RUFY4: variants seen among roughly 807,000 people sequenced by gnomAD.
The protein encoded by RUFY4 is RUN and FYVE domain containing 4.
In RUFY4, 73 loss-of-function variants were observed where a neutral mutation model predicts 69.0. The observed-to-expected ratio is 1.06, with a 90% CI of 0.88 to 1.29. The LOEUF (loss-of-function observed/expected upper bound fraction) is 1.29, where lower values mean the gene tolerates loss of function less well. Among genes scored for constraint, RUFY4 ranks in the 50% most tolerant of loss-of-function variants. RUFY4 has a pLI of 0.00. For synonymous variants in RUFY4, 287 were observed against 271.8 expected (o/e 1.06, Z -0.55); for missense variants, 770 against 705.6 (o/e 1.09, Z -1.03).
intron 2 of RUFY4, among the ~76,000 whole-genome samples, chr2:218,051,132 C>T (rs1352174655): frequency 1.3e-5 from 2 of 152,128 alleles, no homozygotes; most frequent in African/African-American, 4.8e-5. Context: ...ACCTCAGCCT[C>T]CCAAAGTGCA....
At chr2:218,076,358 G>A (rs1689630070) in intron 7 of RUFY4, 69 bp from the exon 10 acceptor site, 1 of 1,523,260 alleles carries the variant, frequency 6.6e-7, no homozygotes, top group African/African-American at 1.4e-5. Context: ...ATGTTGTTCA[G>A]GTCAGCCCCA....
At chr2:218,060,648 G>C in intron 3 of RUFY4, 1 of 1,350,280 alleles carries the variant, frequency 7.4e-7, no homozygotes, top group Non-Finnish European at 1.1e-6. Context: ...GCAGGAAAAT[G>C]AGGACAACAG....
chr2:218,050,817 C>G (rs1288089097), intron 2 of RUFY4, among the ~76,000 whole-genome samples: 1 of 152,156 alleles, frequency 6.6e-6, no homozygotes, highest in Non-Finnish European at 1.5e-5. Context: ...ACAATTTAAC[C>G]TTTAGTGATT....
At chr2:218,049,223 G>T (rs1454198433) in intron 2 of RUFY4, among the ~76,000 whole-genome samples, 2 of 152,160 alleles carry the variant, frequency 1.3e-5, no homozygotes, top group Non-Finnish European at 2.9e-5. Flanking sequence ...ATTCTAGAAT[G>T]TTCCTCAAAT....
At chr2:218,081,818 C>T (rs1689765182) in intron 8 of RUFY4, among the ~76,000 whole-genome samples, 2 of 152,258 alleles carry the variant, frequency 1.3e-5, no homozygotes, top group South Asian at 4.1e-4. Context: ...ATGTCAGTGG[C>T]TGAGCTGCTG....
At chr2:218,037,453 G>C (rs1432027022) in intron 2 of RUFY4, among the ~76,000 whole-genome samples, 2 of 152,106 alleles carry the variant, frequency 1.3e-5, no homozygotes, top group African/African-American at 2.4e-5. Flanking sequence ...GATAATCAAA[G>C]TAAGACTAAT....
chr2:218,086,861 T>C (rs1278827739), intron 9 of RUFY4, among the ~76,000 whole-genome samples: 1 of 152,046 alleles, frequency 6.6e-6, no homozygotes, highest in Non-Finnish European at 1.5e-5. Context: ...GGAAGGTTTC[T>C]GGAGAGAAAG....
At position 218,084,147 on chromosome 2, in the gene RUFY4, T is replaced by C. The variant is rs527668140; in HGVS notation, c.1502+891T>C. On this transcript the variant is annotated intron_variant, in intron 9 of 10. Transcript: ENST00000344321. ...AGTAGAAAGAGAGTTCACATACATA[T>C]GTTATCCTCTCATACAGTTCAGGAA... 1.5e-4 allele frequency among the ~76,000 whole-genome samples: 23 copies of C among 152,296 alleles called. No individual in the cohort carries two copies. In the Middle Eastern group the frequency reaches 0.01, roughly 68 times the overall value.
exon 4 of RUFY4, chr2:218,072,800 G>C (rs1284925252): frequency 6.5e-7 from 1 of 1,533,852 alleles, no homozygotes; most frequent in East Asian, 2.4e-5. Flanking sequence ...TCTGGGGAAA[G>C]GCCGTGCCTT....
At chr2:218,040,065 A>G (rs1959040300) in intron 2 of RUFY4, among the ~76,000 whole-genome samples, 3 of 152,198 alleles carry the variant, frequency 2.0e-5, no homozygotes, top group Non-Finnish European at 2.9e-5. Flanking sequence ...GACAGTTGCA[A>G]GCTTTCACAG....
chr2:218,065,233 C>A (rs1689295999), upstream of RUFY4, among the ~76,000 whole-genome samples: 1 of 152,140 alleles, frequency 6.6e-6, no homozygotes, highest in South Asian at 2.1e-4. Flanking sequence ...CCACTGCAGG[C>A]AGGGCATCAG....
chr2:218,060,516 C>T, intron 3 of RUFY4: 1 of 1,300,382 alleles, frequency 7.7e-7, no homozygotes, highest in Non-Finnish European at 1.1e-6. Flanking sequence ...GAAGGATGCC[C>T]AGAATCTCAG....
At chr2:218,060,237 G>T in intron 3 of RUFY4, 4 of 1,119,192 alleles carry the variant, frequency 3.6e-6, no homozygotes, top group East Asian at 2.4e-5. Context: ...AGTGGGGGCT[G>T]CACTGACACT....
upstream of RUFY4, among the ~76,000 whole-genome samples, chr2:218,065,942 C>T (rs368367753): frequency 3.4e-3 from 519 of 152,012 alleles, 2 homozygotes; most frequent in African/African-American, 0.012. Context: ...GCTGCCCCTC[C>T]TTCAGCCACT....
chr2:218,066,680 G>A (rs193187541), upstream of RUFY4, among the ~76,000 whole-genome samples: 14 of 152,224 alleles, frequency 9.2e-5, no homozygotes, highest in African/African-American at 2.4e-4. Flanking sequence ...CTTACATTAC[G>A]TGCCACATGT....
At chr2:218,055,241 AAGAAT>A (rs976820231) in intron 2 of RUFY4, among the ~76,000 whole-genome samples, 1 of 152,124 alleles carries the variant, frequency 6.6e-6, no homozygotes, top group Non-Finnish European at 1.5e-5. Context: ...CTAAAAATAC[AAGAAT>A]TAGCCAGGCG....
chr2:218,045,437 C>A (rs1688804485), intron 2 of RUFY4, among the ~76,000 whole-genome samples: 1 of 152,030 alleles, frequency 6.6e-6, no homozygotes, highest in African/African-American at 2.4e-5. Flanking sequence ...TGTTCCCTTT[C>A]TATTTACAAA....
chr2:218,054,375 C>G (rs1305024304), intron 2 of RUFY4, among the ~76,000 whole-genome samples: 1 of 151,854 alleles, frequency 6.6e-6, no homozygotes, highest in African/African-American at 2.4e-5. Context: ...GCCAACATAG[C>G]AAAACCCCAA....
At chr2:218,082,681 TTGTG>T (rs1416366791) in intron 8 of RUFY4, among the ~76,000 whole-genome samples, 1 of 151,608 alleles carries the variant, frequency 6.6e-6, no homozygotes, top group Non-Finnish European at 1.5e-5. Flanking sequence ...TGGATGTCTG[TTGTG>T]TGTGTTGTGC....
Sources: gnomAD v4.1 joint callset for allele counts (sites outside exome capture counted in the v4.1 genomes callset) on GRCh38, gnomAD v4.1.1 for gene constraint, MANE v1.5 for transcripts, NCBI Gene and HGNC (gene_info 2026-07-23, HGNC 2026-07-21) for gene names.